Variants in PRMT7 observed in about 807,000 individuals in gnomAD.
PRMT7 encodes protein arginine N-methyltransferase 7.
Under a neutral mutation model 85.4 loss-of-function variants are expected in PRMT7, and 75 were observed. The observed-to-expected ratio is 0.88, with a 90% confidence interval of 0.73 to 1.06. The LOEUF is 1.06. Ranked by LOEUF, PRMT7 falls within the 50% of genes least tolerant of loss-of-function variation. The probability of loss-of-function intolerance (pLI) is 0.00; values close to 1 mark genes in which losing one functional copy is unlikely to be tolerated. For missense variants in PRMT7, 868 were observed against 915.2 expected (o/e 0.95, Z 0.67); for synonymous variants, 397 against 359.5 (o/e 1.10, Z -1.18).
intron 6 of PRMT7, among the ~76,000 whole-genome samples, chr16:68,336,370 T>C (rs1402646683): frequency 1.3e-5 from 2 of 152,086 alleles, no homozygotes. Context: ...ACAACTGTTA[T>C]TTAAGAGATT....
intron 17 of PRMT7, 123 bp downstream of exon 17, chr16:68,356,006 C>A (rs931913887): frequency 1.8e-6 from 2 of 1,106,448 alleles, no homozygotes. Flanking sequence ...TCGTCCTCCC[C>A]ACAACCTTGC....
At chr16:68,329,892 C>CACACACACAG (rs1466354369) in intron 6 of PRMT7, among the ~76,000 whole-genome samples, 2 of 151,856 alleles carry the variant, frequency 1.3e-5, no homozygotes, top group Admixed American at 6.6e-5. Flanking sequence ...CACACACACA[C>CACACACACAG]ACACACATAT....
At chr16:68,349,485 A>G (rs1209094770) in intron 14 of PRMT7, among the ~76,000 whole-genome samples, 1 of 152,198 alleles carries the variant, frequency 6.6e-6, no homozygotes, top group Non-Finnish European at 1.5e-5. Flanking sequence ...CTTTTTTTAA[A>G]TAACAGCTTT....
At position 68,357,919 on chromosome 16, in the gene PRMT7, G is replaced by T. The variant is rs1252713521; in HGVS notation, c.*695G>T. ...AAGTGGCTGTCAGGGGAGCTGGGAG[G>T]CAGCCCTGTTCCCTGCACCTCCCTC... On this transcript the variant is annotated 3_prime_UTR_variant, in exon 19 of 19. Coordinates refer to ENST00000441236, the MANE Select transcript of PRMT7 (RefSeq NM_019023.5). The T allele has an allele frequency of 6.6e-6, 1 of 152,314 alleles. No homozygotes were observed. Among genetic ancestry groups the T allele is most frequent in the Non-Finnish European group, 1.5e-5 (1 of 68,102 alleles). 9.4% of individuals were successfully genotyped at this position (152,314 alleles called of 1,614,324 possible).
chr16:68,323,006 C>G (rs900689052), intron 4 of PRMT7, among the ~76,000 whole-genome samples: 18 of 151,968 alleles, frequency 1.2e-4, no homozygotes, highest in African/African-American at 4.1e-4. Context: ...TGCACTCCAG[C>G]CTGGGCGACA....
At chr16:68,311,203 G>T in intron 1 of PRMT7, 104 bp downstream of exon 1, 1 of 563,212 alleles carries the variant, frequency 1.8e-6, no homozygotes, top group Non-Finnish European at 3.2e-6. Context: ...GCCTAGCGTG[G>T]GCCTACTTGG....
chr16:68,344,339 C>T (rs940404846), intron 9 of PRMT7, among the ~76,000 whole-genome samples: 9 of 152,310 alleles, frequency 5.9e-5, no homozygotes, highest in Middle Eastern at 3.4e-3. Context: ...AAATAAACCT[C>T]ATTATATAAA....
At chr16:68,336,733 T>TG in intron 6 of PRMT7, among the ~76,000 whole-genome samples, 1 of 152,000 alleles carries the variant, frequency 6.6e-6, no homozygotes, top group East Asian at 1.9e-4. Flanking sequence ...TGGGTGTGTG[T>TG]TTTTTTTGTT....
chr16:68,337,077 G>T (rs565006537), intron 6 of PRMT7, among the ~76,000 whole-genome samples: 29 of 152,234 alleles, frequency 1.9e-4, no homozygotes, highest in African/African-American at 6.7e-4. Context: ...TTGTGGAAAT[G>T]GGGTTTTGTC....
chr16:68,314,824 C>G (rs1248638118), intron 2 of PRMT7, among the ~76,000 whole-genome samples: 2 of 152,148 alleles, frequency 1.3e-5, no homozygotes, highest in Admixed American at 1.3e-4. Flanking sequence ...AGAAATAGAT[C>G]TCTTTGGGGA....
At chr16:68,316,560 G>C (rs562317746) in intron 3 of PRMT7, among the ~76,000 whole-genome samples, 42 of 152,270 alleles carry the variant, frequency 2.8e-4, no homozygotes, top group African/African-American at 9.6e-4. Flanking sequence ...GAGGTCAGGA[G>C]TTCGAGACCA....
At chr16:68,347,940 G>T (rs146967833) in intron 13 of PRMT7, among the ~76,000 whole-genome samples, 1 of 152,184 alleles carries the variant, frequency 6.6e-6, no homozygotes, top group Non-Finnish European at 1.5e-5. Context: ...CTACTGTTGC[G>T]GTAGAATTAA....
chr16:68,339,102 C>G (rs1329479474), intron 7 of PRMT7, among the ~76,000 whole-genome samples: 1 of 152,148 alleles, frequency 6.6e-6, no homozygotes, highest in Non-Finnish European at 1.5e-5. Flanking sequence ...TGACAGAAGT[C>G]ATTTTAGGCA....
chr16:68,332,965 AT>A (rs1400787368), intron 6 of PRMT7, among the ~76,000 whole-genome samples: 2 of 152,078 alleles, frequency 1.3e-5, no homozygotes, highest in Non-Finnish European at 2.9e-5. Flanking sequence ...GATCCCACTT[AT>A]TCCACTATGG....
intron 9 of PRMT7, among the ~76,000 whole-genome samples, chr16:68,344,010 T>C (rs1038981537): frequency 6.6e-6 from 1 of 152,198 alleles, no homozygotes; most frequent in Non-Finnish European, 1.5e-5. Context: ...GCTTTATTGC[T>C]CAGGTTGGAT....
chr16:68,336,302 C>T (rs1480336781), intron 6 of PRMT7, among the ~76,000 whole-genome samples: 1 of 152,196 alleles, frequency 6.6e-6, no homozygotes, highest in East Asian at 1.9e-4. Flanking sequence ...GTTTAGAAAA[C>T]AGTTAACAGA....
chr16:68,341,533 C>A (rs182663346), intron 9 of PRMT7, among the ~76,000 whole-genome samples: 7 of 152,300 alleles, frequency 4.6e-5, no homozygotes, highest in Admixed American at 2.6e-4. Context: ...CCTCAGCCCC[C>A]TGAGTAGCTG....
chr16:68,359,829 T>C (rs1050093582), downstream of PRMT7: 1 of 152,474 alleles, frequency 6.6e-6, no homozygotes, highest in Admixed American at 6.5e-5. Flanking sequence ...TAAAGGCAGG[T>C]GGGCAGAGGC....
chr16:68,357,602 T>C lies in PRMT7; in HGVS notation c.*378T>C. The stretch of plus-strand genomic sequence containing the variant: ...CGCCGCCCTTGGCGAGCAGTCCCCG[T>C]GGCGGGAGCCTGTCCTGTCTGTCTC... On this transcript the variant is annotated 3_prime_UTR_variant, in exon 19 of 19. Coordinates refer to ENST00000441236, the MANE Select transcript of PRMT7 (RefSeq NM_019023.5). 1 of 195,444 alleles carries C rather than the reference T, an allele frequency of 5.1e-6. No individual in the cohort carries two copies. The highest frequency in any genetic ancestry group is 1.0e-5 in the Non-Finnish European group (1 of 95,918). The allele number at this position is 195,444 out of a possible 1,614,324, so 12.1% of individuals were successfully genotyped here.
Sources: gnomAD v4.1 joint callset for allele counts (sites outside exome capture counted in the v4.1 genomes callset) on GRCh38, gnomAD v4.1.1 for gene constraint, MANE v1.5 for transcripts, NCBI Gene and HGNC (gene_info 2026-07-23, HGNC 2026-07-21) for gene names.